The following POR variants were observed in gnomAD, a reference collection of about 807,000 sequenced individuals.
POR encodes the protein cytochrome p450 oxidoreductase.
A neutral mutation model predicts 84.0 loss-of-function variants in POR; 56 were observed. The observed-to-expected ratio is 0.67, with a 90% CI of 0.54 to 0.83. The LOEUF is 0.83. Ranked by LOEUF, POR falls within the 40% of genes least tolerant of loss-of-function variation. POR has a pLI of 0.00. For synonymous variants in POR, 414 were observed against 400.5 expected, an observed-to-expected ratio of 1.03 and a Z score of -0.40; for missense variants, 938 against 944.3, an observed-to-expected ratio of 0.99 and a Z score of 0.09.
rs1806973566 is a variant in POR, at chr7:75,923,545, G to A, written c.-5+8366G>A. The A allele has an allele frequency of 7.5e-6, 3 of 400,590 alleles. No individual in the cohort carries two copies. In the South Asian group the frequency reaches 7.5e-5, roughly 10 times the overall value. The allele number at this position is 400,590 out of a possible 1,614,324, so 24.8% of individuals were successfully genotyped here. Reference sequence around the variant, plus strand: ...ATTTTTATCAAGTATCTTCAGAGAAGATTATTTCCTGCTTTATCTTCAAAA... The same window carrying A: ...ATTTTTATCAAGTATCTTCAGAGAAAATTATTTCCTGCTTTATCTTCAAAA... On this transcript the variant is annotated intron_variant, in intron 1 of 15. Transcript: ENST00000461988.
rs558622828 is a variant in POR, at chr7:75,981,752, A to G, written c.731+146A>G. On this transcript the variant is annotated intron_variant, in intron 7 of 15. Coordinates refer to ENST00000461988, the MANE Select transcript of POR (RefSeq NM_000941.3). Reference sequence around the variant, plus strand: ...TCGAGGAGGGACCTTGGTCCCAGCCAAGGACTCACTCTGCCACGTTGCTCT... The same window carrying G: ...TCGAGGAGGGACCTTGGTCCCAGCCGAGGACTCACTCTGCCACGTTGCTCT... 33 of 703,714 alleles carry G rather than the reference A, an allele frequency of 4.7e-5. No homozygotes were observed. The African/African-American group carries it at 5.2e-4, about 11-fold the overall frequency. The allele number at this position is 703,714 out of a possible 1,614,324, so 43.6% of individuals were successfully genotyped here.
intron 1 of POR, among the ~76,000 whole-genome samples, chr7:75,945,570 G>A (rs1488275731): frequency 6.6e-6 from 1 of 152,108 alleles, no homozygotes; most frequent in African/African-American, 2.4e-5. Flanking sequence ...GGGTTGCGCT[G>A]TCAGGCAACA....
chr7:75,966,546 C>G (rs1316965109), intron 2 of POR, among the ~76,000 whole-genome samples: 1 of 152,176 alleles, frequency 6.6e-6, no homozygotes, highest in African/African-American at 2.4e-5. Context: ...ACCCTGGAGC[C>G]TGGAGAACTT....
At chr7:75,952,686 G>A (rs1554553065) in intron 1 of POR, among the ~76,000 whole-genome samples, 1 of 151,732 alleles carries the variant, frequency 6.6e-6, no homozygotes, top group African/African-American at 2.4e-5. Flanking sequence ...CCCAGACGGG[G>A]CGGCGGGGCA....
At chr7:75,934,799 C>T (rs781971154) in intron 1 of POR, among the ~76,000 whole-genome samples, 8 of 152,166 alleles carry the variant, frequency 5.3e-5, no homozygotes, top group Admixed American at 1.3e-4. Context: ...AAGCCATGAG[C>T]CTTGGCCGCT....
intron 3 of POR, among the ~76,000 whole-genome samples, chr7:75,976,973 C>T (rs1554556941): frequency 6.6e-6 from 1 of 152,080 alleles, no homozygotes; most frequent in East Asian, 1.9e-4. Context: ...ACCTCAGCCT[C>T]CCAAGTAGCT....
rs72557929 is a variant in POR at position 75,984,927 on chromosome 7, G to A, written c.1217G>A (p.Arg406His). ...GAGCCCTCGGAGCAGGAGCTGCTGC[G>A]CAAGATGGCCTCCTCCTCCGGCGAG... Residue 406 changes from arginine (R) to histidine (H), a missense_variant, in exon 11 of 16, where the codon CGC becomes CAC. Coordinates refer to ENST00000461988, the MANE Select transcript of POR (RefSeq NM_000941.3). 1.9e-4 allele frequency: 298 copies of A among 1,602,474 alleles called. 1 individual carries two copies. The highest frequency in any genetic ancestry group is 2.1e-4 in the African/African-American group (16 of 74,718).
intron 2 of POR, among the ~76,000 whole-genome samples, chr7:75,959,130 T>C (rs1787819835): frequency 6.6e-6 from 1 of 152,120 alleles, no homozygotes. Context: ...CCCAGCTCTT[T>C]GGGAGGCCAA....
rs376968043 is a variant in POR, at chr7:75,986,398, G to A, written c.1960G>A (p.Gly654Arg). 4 of 1,612,562 alleles carry A rather than the reference G, an allele frequency of 2.5e-6. No individual in the cohort carries two copies. Among genetic ancestry groups the A allele is most frequent in the Admixed American group, 1.7e-5 (1 of 60,006 alleles). Reference sequence around the variant, plus strand: ...CTTCTACGACATCGTGGCTGAGCTCGGGGCCATGGAGCACGCGCAGGCGGT... The same window carrying A: ...CTTCTACGACATCGTGGCTGAGCTCAGGGCCATGGAGCACGCGCAGGCGGT... The change falls in exon 16 of 16, where the codon GGG (glycine) becomes AGG (arginine). Residue 654 changes from glycine to arginine, a missense_variant. Physicochemically the swap from Gly to Arg is moderately radical, Grantham distance 125 (BLOSUM62 -2). Transcript: ENST00000461988.
At chr7:75,964,064 A>G (rs1392999296) in intron 2 of POR, among the ~76,000 whole-genome samples, 2 of 151,484 alleles carry the variant, frequency 1.3e-5, no homozygotes, top group East Asian at 3.9e-4. Flanking sequence ...CAGTGGCACA[A>G]TCTTGGCTCA....
chr7:75,966,123 A>G (rs1788170059), intron 2 of POR, among the ~76,000 whole-genome samples: 1 of 152,206 alleles, frequency 6.6e-6, no homozygotes, highest in South Asian at 2.1e-4. Context: ...ATTAAACAAA[A>G]TAAAATAGAA....
At chr7:75,950,941 C>T (rs1436791374) in intron 1 of POR, among the ~76,000 whole-genome samples, 1 of 151,704 alleles carries the variant, frequency 6.6e-6, no homozygotes, top group African/African-American at 2.4e-5. Flanking sequence ...TGCCTGTAAT[C>T]CCAGCTGCTC....
chr7:75,957,900 T>A (rs113534928), intron 2 of POR, among the ~76,000 whole-genome samples: 5 of 152,298 alleles, frequency 3.3e-5, no homozygotes, highest in African/African-American at 1.2e-4. Flanking sequence ...TTCTGGACCC[T>A]GAAGTTGGGT....
intron 1 of POR, among the ~76,000 whole-genome samples, chr7:75,926,998 T>C (rs1451622953): frequency 1.3e-5 from 2 of 152,082 alleles, no homozygotes; most frequent in African/African-American, 4.8e-5. Flanking sequence ...GGTCATTCAG[T>C]GAGGCTGCGT....
intron 1 of POR, among the ~76,000 whole-genome samples, chr7:75,933,513 G>T (rs1554550421): frequency 6.7e-6 from 1 of 149,778 alleles, no homozygotes; most frequent in Admixed American, 6.8e-5. Flanking sequence ...CTCAGCCTCT[G>T]GAGCAGCCAG....
At chr7:75,928,253 G>A (rs1554549787) in intron 1 of POR, among the ~76,000 whole-genome samples, 1 of 152,158 alleles carries the variant, frequency 6.6e-6, no homozygotes, top group Non-Finnish European at 1.5e-5. Flanking sequence ...ACAGGTGTGA[G>A]CCACCACACC....
chr7:75,916,733 T>C (rs1806587502), intron 1 of POR, among the ~76,000 whole-genome samples: 1 of 152,130 alleles, frequency 6.6e-6, no homozygotes, highest in African/African-American at 2.4e-5. Context: ...GAAGAAATAA[T>C]AGGTAGATTT....
Position 75,978,347 on chromosome 7 carries a change from TCTTA to T in POR, c.238-1101_238-1098del, listed in dbSNP as rs1788792765. Among the ~76,000 whole-genome samples the T allele has an allele frequency of 2.6e-5, 4 of 152,300 alleles. No individual in the cohort carries two copies. In the South Asian group the frequency reaches 8.3e-4, roughly 32 times the overall value. The stretch of plus-strand genomic sequence containing the variant: ...TGTCTGTCCTGAACACATACTGTCA[TCTTA>T]CTGTTCCCTAAACAATACAGCATAG... On this transcript the variant is annotated intron_variant, in intron 3 of 15. Transcript: ENST00000461988.
At chr7:75,982,880 C>T (rs561904839) in intron 8 of POR, among the ~76,000 whole-genome samples, 2 of 152,284 alleles carry the variant, frequency 1.3e-5, no homozygotes, top group East Asian at 1.9e-4. Flanking sequence ...TAGTCCAGGA[C>T]GTGTGGGGGT....
Sources: allele counts gnomAD v4.1 joint callset (sites outside exome capture counted in the v4.1 genomes callset), GRCh38; gene constraint gnomAD v4.1.1; transcripts MANE v1.5; gene names NCBI Gene and HGNC (gene_info 2026-07-23, HGNC 2026-07-21).